Variants in REPS1 observed in about 807,000 individuals in gnomAD.
The protein encoded by REPS1 is ralBP1-associated Eps domain-containing protein 1.
REPS1 carries 39 observed loss-of-function variants against 100.9 expected under a neutral mutation model. The observed-to-expected ratio is 0.39, with a 90% CI of 0.30 to 0.50. The LOEUF is 0.50. Ranked by LOEUF, REPS1 falls within the 20% of genes least tolerant of loss-of-function variation. The pLI, the probability that REPS1 is intolerant of heterozygous loss-of-function variation, is 0.86. For missense variants in REPS1, 821 were observed against 968.5 expected (o/e 0.85, Z 2.02); for synonymous variants, 324 against 340.3 (o/e 0.95, Z 0.53).
chr6:138,980,000 G>T (rs1375175886), intron 1 of REPS1, among the ~76,000 whole-genome samples: 1 of 152,050 alleles, frequency 6.6e-6, no homozygotes, highest in African/African-American at 2.4e-5. Flanking sequence ...AGACAAAAGG[G>T]GAACTGCTGA....
chr6:138,982,643 T>C (rs1401196434), intron 1 of REPS1, among the ~76,000 whole-genome samples: 1 of 152,248 alleles, frequency 6.6e-6, no homozygotes, highest in Non-Finnish European at 1.5e-5. Flanking sequence ...TTCCTCATGA[T>C]TAAATCCTAT....
chr6:138,918,846 G>C (rs1182526075), intron 12 of REPS1, among the ~76,000 whole-genome samples: 2 of 152,112 alleles, frequency 1.3e-5, no homozygotes, highest in African/African-American at 4.8e-5. Flanking sequence ...TAAGAGTTGT[G>C]ACAGAAAAAA....
intron 7 of REPS1, among the ~76,000 whole-genome samples, chr6:138,942,913 C>A (rs931898665): frequency 2.0e-5 from 3 of 151,678 alleles, no homozygotes; most frequent in Non-Finnish European, 4.4e-5. Flanking sequence ...TGCCACCATG[C>A]CCGGCTAATT....
At chr6:138,919,770 A>T (rs899137649) in intron 12 of REPS1, among the ~76,000 whole-genome samples, 3 of 152,144 alleles carry the variant, frequency 2.0e-5, no homozygotes, top group Non-Finnish European at 4.4e-5. Flanking sequence ...ATTTTTATTC[A>T]CAGTATTAGT....
intron 19 of REPS1, among the ~76,000 whole-genome samples, chr6:138,905,995 C>A (rs181436526): frequency 6.6e-6 from 1 of 152,152 alleles, no homozygotes; most frequent in Admixed American, 6.5e-5. Context: ...CTATTTTGTA[C>A]CTTACTTCCC....
intron 7 of REPS1, among the ~76,000 whole-genome samples, chr6:138,943,307 A>C (rs894238192): frequency 6.6e-6 from 1 of 152,230 alleles, no homozygotes; most frequent in African/African-American, 2.4e-5. Flanking sequence ...AAAGAATTTT[A>C]GCTCTTTACA....
rs1782489943 is a variant in REPS1, at chr6:138,944,560, C to T, written c.691G>A (p.Val231Ile). The T allele has an allele frequency of 6.2e-7, 1 of 1,613,648 alleles. No individual in the cohort carries two copies. Among genetic ancestry groups the T allele is most frequent in the Non-Finnish European group, 8.5e-7 (1 of 1,179,562 alleles). ...HSPPPPQENW[V>I]SFADTPPTST... is the part of the protein sequence containing the mutation. ...GTTGGTGGAGTATCTGCAAAACTGA[C>T]CCAGTTTTCTTGAGGTGGAGGTGGG... The change falls in exon 5 of 20, where the codon GTC (valine) becomes ATC (isoleucine). Residue 231 changes from valine (V) to isoleucine (I), a missense_variant. Physicochemically the swap from Val to Ile is conservative, Grantham distance 29. Around this residue, in one of 3 missense-constraint regions of REPS1, gnomAD observed 757 missense variants for 866.4 expected, o/e 0.87. Transcript: ENST00000450536.
intron 1 of REPS1, among the ~76,000 whole-genome samples, chr6:138,967,682 A>C (rs1171505077): frequency 6.6e-6 from 1 of 152,182 alleles, no homozygotes; most frequent in Non-Finnish European, 1.5e-5. Flanking sequence ...TAATGAACAT[A>C]TACAAACATC....
Position 138,945,228 on chromosome 6 carries a change from C to T in REPS1, c.619G>A (p.Ala207Thr), listed in dbSNP as rs777313323. The T allele has an allele frequency of 6.2e-7, 1 of 1,606,990 alleles. No homozygotes were observed. Among genetic ancestry groups the T allele is most frequent in the Admixed American group, 1.7e-5 (1 of 59,172 alleles). ...PGPFWSPFGE[A>T]QSGSSAGDAV... The stretch of plus-strand genomic sequence containing the variant: ...ATCAATCTCTAAATACCTGATTGTG[C>T]TTCACCAAAGGGAGACCAAAATGGC... The change falls in exon 4 of 20, where the codon GCA (alanine) becomes ACA (threonine). Residue 207 changes from alanine (A) to threonine (T), a missense_variant. Ala to Thr is a moderately conservative substitution (Grantham distance 58). Transcript: ENST00000450536.
intron 16 of REPS1, 141 bp downstream of exon 16, chr6:138,912,624 G>A: frequency 1.3e-6 from 1 of 781,248 alleles, no homozygotes; most frequent in Non-Finnish European, 2.2e-6. Context: ...GCAGATATTG[G>A]AGGCCAATAA....
At chr6:138,977,663 G>A (rs1784672979) in intron 1 of REPS1, among the ~76,000 whole-genome samples, 1 of 152,106 alleles carries the variant, frequency 6.6e-6, no homozygotes, top group African/African-American at 2.4e-5. Context: ...ATGGATATTT[G>A]AATTGCTTTC....
rs368196977 is a variant in REPS1, at chr6:138,951,808, A to G, written c.154-3895T>C. Among the ~76,000 whole-genome samples, 9 of 152,340 alleles carry G rather than the reference A, an allele frequency of 5.9e-5. No individual in the cohort carries two copies. In the East Asian group the frequency reaches 1.7e-3, roughly 29 times the overall value. ...ATAATTTCCTAGAAAATCATTTATC[A>G]TCTCCAAATTTTATAATTTCTTAGC... On this transcript the variant is annotated intron_variant, in intron 1 of 19. Coordinates refer to ENST00000450536, the MANE Select transcript of REPS1 (RefSeq NM_001286611.2).
rs778927544 is a variant in REPS1, at chr6:138,908,745, T to G, written c.2139A>C (p.Leu713Phe). Residue 713 changes from leucine (L) to phenylalanine (F), a missense_variant, in exon 18 of 20, where the codon TTA becomes TTC. Physicochemically the swap from Leu to Phe is conservative, Grantham distance 22 (BLOSUM62 0). This residue lies in a region of REPS1 where 757 missense variants were observed against 866.4 expected (regional missense o/e 0.87). Coordinates refer to ENST00000450536, the MANE Select transcript of REPS1 (RefSeq NM_001286611.2). Reference sequence around the variant, plus strand: ...GTGTATGTTCATCAACTTCTGGCCTTAATTCATCTTCTGATTTTAATCTTC... The same window carrying G: ...GTGTATGTTCATCAACTTCTGGCCTGAATTCATCTTCTGATTTTAATCTTC... ...VRRRLKSEDELRPEVDEHTQK... is the reference protein window; with the variant it reads ...VRRRLKSEDEFRPEVDEHTQK... The G allele has an allele frequency of 6.2e-7, 1 of 1,614,192 alleles. No homozygotes were observed. The highest frequency in any genetic ancestry group is 1.1e-5 in the South Asian group (1 of 91,086).
chr6:138,943,622 G>T, intron 6 of REPS1, 46 bp from the exon 7 acceptor site: 1 of 1,376,198 alleles, frequency 7.3e-7, no homozygotes, highest in South Asian at 1.2e-5. Context: ...TGAACTTACG[G>T]ATCCACGAAC....
chr6:138,904,958 A>C lies in REPS1; in HGVS notation c.*106T>G. On this transcript the variant is annotated 3_prime_UTR_variant, in exon 20 of 20. Coordinates refer to ENST00000450536, the MANE Select transcript of REPS1 (RefSeq NM_001286611.2). ...CATATAGGGCAAAACAGAATCATAA[A>C]ATTTAATGTTGAGTTAAGCAGTGAG... 1 of 813,778 alleles carries C rather than the reference A, an allele frequency of 1.2e-6. No homozygotes were observed. 50.4% of individuals were successfully genotyped at this position (813,778 alleles called of 1,614,324 possible). A position where few individuals can be genotyped will look rare whatever the true frequency, so the allele number is the denominator to read the frequency against.
At chr6:138,944,455 T>C (rs1352956206) in intron 5 of REPS1, 43 bp downstream of exon 5, 1 of 1,595,664 alleles carries the variant, frequency 6.3e-7, no homozygotes, top group Non-Finnish European at 8.6e-7. Flanking sequence ...AGCAATACTC[T>C]GAATGAAGCA....
intron 7 of REPS1, among the ~76,000 whole-genome samples, chr6:138,942,498 G>A (rs1782331454): frequency 6.6e-6 from 1 of 152,060 alleles, no homozygotes; most frequent in Admixed American, 6.6e-5. Flanking sequence ...CTACAGTGCT[G>A]TGGTATGACC....
At chr6:138,951,983 T>C (rs1285340661) in intron 1 of REPS1, among the ~76,000 whole-genome samples, 4 of 152,166 alleles carry the variant, frequency 2.6e-5, no homozygotes, top group Non-Finnish European at 4.4e-5. Context: ...TGTTAGGATA[T>C]AGATTCCCGA....
intron 8 of REPS1, among the ~76,000 whole-genome samples, chr6:138,935,250 A>G (rs1247607477): frequency 6.6e-6 from 1 of 152,224 alleles, no homozygotes; most frequent in Non-Finnish European, 1.5e-5. Context: ...AATGTGTCCA[A>G]CAAGATTTGA....
Sources: gnomAD v4.1 joint callset for allele counts (sites outside exome capture counted in the v4.1 genomes callset) on GRCh38, gnomAD v4.1.1 for gene constraint, gnomAD v4.1.1 regional missense constraint, MANE v1.5 for transcripts, NCBI Gene and HGNC (gene_info 2026-07-23, HGNC 2026-07-21) for gene names.